Variants in FAAH2 observed in about 807,000 individuals in gnomAD.
The protein encoded by FAAH2 is fatty acid amide hydrolase 2.
A neutral mutation model predicts 36.9 loss-of-function variants in FAAH2; 60 were observed. The ratio of observed to expected loss-of-function variants is 1.63; its 90% CI spans 1.32 to 2.02. The LOEUF (loss-of-function observed/expected upper bound fraction) is 2.02. FAAH2 is among the 30% of genes most tolerant of loss of function. The probability of loss-of-function intolerance (pLI) is 0.00; values close to 1 mark genes in which losing one functional copy is unlikely to be tolerated. For missense variants in FAAH2, 689 were observed against 397.5 expected, an observed-to-expected ratio of 1.73 and a Z score of -6.23; for synonymous variants, 214 against 143.8, an observed-to-expected ratio of 1.49 and a Z score of -3.49.
intron 5 of FAAH2, among the ~76,000 whole-genome samples, chrX:57,362,350 C>A (rs181952701): frequency 2.0e-4 from 22 of 110,341 alleles, no homozygotes; most frequent in African/African-American, 6.9e-4. Flanking sequence ...TGGGGCCTGT[C>A]GGTGGGTGGG....
intron 10 of FAAH2, among the ~76,000 whole-genome samples, chrX:57,466,156 C>CTATATATA (rs1163626331): frequency 0.013 from 861 of 66,326 alleles, 11 homozygotes; most frequent in African/African-American, 0.033. Context: ...CTCTCTCTCT[C>CTATATATA]TATATATATA....
At chrX:57,276,941 C>T in the FAAH2 span, among the ~76,000 whole-genome samples, 1 of 111,423 alleles carries the variant, frequency 9.0e-6, no homozygotes, top group African/African-American at 3.3e-5. Context: ...TAATAGTTTA[C>T]CAACCAAAAA....
chrX:57,237,761 C>G, the FAAH2 span, among the ~76,000 whole-genome samples: 1 of 110,621 alleles, frequency 9.0e-6, no homozygotes, highest in Non-Finnish European at 1.9e-5. Context: ...TGAAAAAGAT[C>G]TAATATCCAG....
chrX:57,242,983 A>G, the FAAH2 span, among the ~76,000 whole-genome samples: 11 of 112,221 alleles, frequency 9.8e-5, no homozygotes, highest in Non-Finnish European at 1.9e-4. Flanking sequence ...CACCCCCGGA[A>G]AGCCCAGCAA....
chrX:57,368,686 A>G (rs190793050), intron 5 of FAAH2, among the ~76,000 whole-genome samples: 2 of 111,232 alleles, frequency 1.8e-5, no homozygotes, highest in Admixed American at 9.6e-5. Context: ...AGCATGCTCT[A>G]CCCAATCAAG....
intron 9 of FAAH2, among the ~76,000 whole-genome samples, chrX:57,447,787 T>A (rs1299624355): frequency 9.0e-6 from 1 of 111,688 alleles, no homozygotes; most frequent in South Asian, 3.8e-4. Flanking sequence ...AAACCATTTT[T>A]TCCTCTTAGG....
At chrX:57,164,915 C>T in the FAAH2 span, among the ~76,000 whole-genome samples, 18 of 112,100 alleles carry the variant, frequency 1.6e-4, no homozygotes, top group African/African-American at 4.9e-4. Flanking sequence ...AACACCATTC[C>T]CAAATTCAGG....
chrX:57,123,958 G>A, the FAAH2 span, among the ~76,000 whole-genome samples: 1 of 111,816 alleles, frequency 8.9e-6, no homozygotes, highest in East Asian at 2.8e-4. Flanking sequence ...TAGGTTGCCT[G>A]TTCACTCTGA....
At chrX:57,483,540 G>T (rs1265850722) in intron 10 of FAAH2, among the ~76,000 whole-genome samples, 1 of 110,745 alleles carries the variant, frequency 9.0e-6, no homozygotes, top group Non-Finnish European at 1.9e-5. Context: ...AAGGTCCATT[G>T]CTAGAAAGCT....
chrX:57,322,453 G>A (rs1440011287), intron 3 of FAAH2, among the ~76,000 whole-genome samples: 1 of 111,265 alleles, frequency 9.0e-6, no homozygotes, highest in African/African-American at 3.3e-5. Flanking sequence ...TTCAACTGAA[G>A]AGAATTTGAC....
In FAAH2 at chrX:57,394,165, G is replaced by A. The variant is rs137916609; in HGVS notation, c.996+13136G>A. ...CCATAGGAATGACCTGGGAGTAGCCGCCTCCTGCAACACCACCTTTTATTC... is the reference window on the plus strand; with the variant it reads ...CCATAGGAATGACCTGGGAGTAGCCACCTCCTGCAACACCACCTTTTATTC... On this transcript the variant is annotated intron_variant, in intron 7 of 10. Coordinates refer to ENST00000374900, the MANE Select transcript of FAAH2 (RefSeq NM_174912.4). 1.2e-3 allele frequency: 764 copies of A among 651,345 alleles called. 3 individuals carry two copies. The African/African-American group carries it at 0.014, about 12-fold the overall frequency. The allele number at this position is 651,345 out of a possible 1,213,427, so 53.7% of individuals were successfully genotyped here. A position where few individuals can be genotyped will look rare whatever the true frequency, so the allele number is the denominator to read the frequency against.
At chrX:57,140,412 T>C in the FAAH2 span, among the ~76,000 whole-genome samples, 1 of 73,177 alleles carries the variant, frequency 1.4e-5, no homozygotes, top group Non-Finnish European at 2.3e-5. Flanking sequence ...AAACCCCATC[T>C]CTACCAAAAA....
the FAAH2 span, among the ~76,000 whole-genome samples, chrX:57,188,564 G>T: frequency 9.1e-6 from 1 of 109,884 alleles, no homozygotes. Flanking sequence ...ATTCAGTTCT[G>T]CTCTAATCTT....
the FAAH2 span, among the ~76,000 whole-genome samples, chrX:57,176,255 A>G: frequency 1.0e-5 from 1 of 96,464 alleles, no homozygotes; most frequent in African/African-American, 4.4e-5. Context: ...TTTTTTGGAG[A>G]CTTTATTTCA....
At chrX:57,286,193 A>G (rs758798135), upstream of FAAH2, among the ~76,000 whole-genome samples, 30 of 111,970 alleles carry the variant, frequency 2.7e-4, no homozygotes, top group African/African-American at 9.7e-4. Flanking sequence ...TGGGCTGGAG[A>G]TTTGATGTTC....
chrX:57,292,044 A>T (rs956209813), intron 1 of FAAH2, among the ~76,000 whole-genome samples: 2 of 111,171 alleles, frequency 1.8e-5, no homozygotes, highest in African/African-American at 6.5e-5. Context: ...CCTGTATTTT[A>T]TCTGGAAACC....
At chrX:57,208,771 G>A in the FAAH2 span, among the ~76,000 whole-genome samples, 1 of 112,080 alleles carries the variant, frequency 8.9e-6, no homozygotes, top group Non-Finnish European at 1.9e-5. Context: ...GGGAAACAAA[G>A]GGATGGGCCA....
intron 7 of FAAH2, 123 bp from the exon 8 acceptor site, chrX:57,431,795 T>TTTTTTTTTTG: frequency 2.5e-6 from 1 of 400,139 alleles, no homozygotes; most frequent in Middle Eastern, 5.1e-4. Context: ...TTGTTTTTTT[T>TTTTTTTTTTG]GGTGTTTCCA....
intron 1 of FAAH2, 64 bp downstream of exon 1, chrX:57,287,081 T>C (rs1177169390): frequency 3.8e-6 from 4 of 1,042,964 alleles, no homozygotes; most frequent in South Asian, 2.8e-5. Context: ...GGAAGCTTAG[T>C]GGTGGCGGTG....
Sources: allele counts gnomAD v4.1 joint callset (sites outside exome capture counted in the v4.1 genomes callset), GRCh38; gene constraint gnomAD v4.1.1; transcripts MANE v1.5; gene names NCBI Gene and HGNC (gene_info 2026-07-23, HGNC 2026-07-21).